Variants in PROSER2 observed in about 807,000 individuals in gnomAD.
PROSER2 encodes the protein proline and serine-rich protein 2.
A neutral mutation model predicts 14.6 loss-of-function variants in PROSER2; 18 were observed. The ratio of observed to expected loss-of-function variants is 1.23; its 90% CI spans 0.85 to 1.83. The LOEUF is 1.83. Among genes scored for constraint, PROSER2 ranks in the 40% most tolerant of loss-of-function variants. PROSER2 has a pLI of 0.00. For synonymous variants in PROSER2, 367 were observed against 286.4 expected, an observed-to-expected ratio of 1.28 and a Z score of -2.84; for missense variants, 823 against 629.8, an observed-to-expected ratio of 1.31 and a Z score of -3.28.
At chr10:11,831,141 C>T (rs1833684436) in intron 1 of PROSER2, among the ~76,000 whole-genome samples, 2 of 152,222 alleles carry the variant, frequency 1.3e-5, no homozygotes, top group South Asian at 2.1e-4. Context: ...TTATAAATAC[C>T]AGTGCTAAAT....
At chr10:11,846,952 A>G (rs867597116) in intron 1 of PROSER2, among the ~76,000 whole-genome samples, 4 of 151,424 alleles carry the variant, frequency 2.6e-5, no homozygotes, top group Non-Finnish European at 4.4e-5. Flanking sequence ...GGGCATCTCT[A>G]TGTTGCCCGG....
rs142241593 is a variant in PROSER2, at chr10:11,860,927, G to A, written c.139-5604G>A. ...TCGAGACCAGGCTGGCCAACATGGC[G>A]AAACCCCATCTCTACTAAAAATACA... is the stretch of plus-strand genomic sequence containing the variant. On this transcript the variant is annotated intron_variant, in intron 2 of 3. Coordinates refer to ENST00000277570, the MANE Select transcript of PROSER2 (RefSeq NM_153256.4). Among the ~76,000 whole-genome samples, 1,278 of 152,058 alleles carry A rather than the reference G, an allele frequency of 8.4e-3. 12 individuals are homozygous for A. Among genetic ancestry groups the A allele is most frequent in the African/African-American group, 0.029 (1,222 of 41,446 alleles).
chr10:11,841,295 T>C (rs1159152897), intron 1 of PROSER2, among the ~76,000 whole-genome samples: 1 of 152,168 alleles, frequency 6.6e-6, no homozygotes, highest in African/African-American at 2.4e-5. Context: ...CCTACAGTTA[T>C]GTCCCCACTT....
At chr10:11,844,002 A>G (rs1430866865) in intron 1 of PROSER2, among the ~76,000 whole-genome samples, 2 of 149,816 alleles carry the variant, frequency 1.3e-5, no homozygotes, top group African/African-American at 4.9e-5. Context: ...AGTGCATTTG[A>G]TTGATTGAGA....
In PROSER2 at chr10:11,866,046, C is replaced by T. The variant is rs573173778; in HGVS notation, c.139-485C>T. Among the ~76,000 whole-genome samples, 8 of 152,218 alleles carry T rather than the reference C, an allele frequency of 5.3e-5. No individual in the cohort carries two copies. The highest frequency in any genetic ancestry group is 2.1e-4 in the South Asian group (1 of 4,818). ...TTCTTCAGGTTCCCCAAAGATGATG[C>T]GTGCTCCACCATCTCTCTTCCTGTT... On this transcript the variant is annotated intron_variant, in intron 2 of 3. Coordinates refer to ENST00000277570, the MANE Select transcript of PROSER2 (RefSeq NM_153256.4). The surrounding 1 kb of genome is among the most constrained non-coding windows in gnomAD (Gnocchi z 6.0).
In PROSER2 at chr10:11,869,877, C is replaced by G; in HGVS notation, c.779C>G (p.Thr260Ser). 2 of 1,593,638 alleles carry G rather than the reference C, an allele frequency of 1.3e-6. No homozygotes were observed. The highest frequency in any genetic ancestry group is 8.5e-7 in the Non-Finnish European group (1 of 1,172,408). The change falls in exon 4 of 4, where the codon ACC (threonine) becomes AGC (serine). Residue 260 changes from threonine to serine, a missense_variant. Thr to Ser is a moderately conservative substitution (Grantham distance 58). Coordinates refer to ENST00000277570, the MANE Select transcript of PROSER2 (RefSeq NM_153256.4). The surrounding 1 kb of genome is among the most constrained non-coding windows in gnomAD (Gnocchi z 4.4). Reference protein sequence around the residue: ...APRFPSNIIVTNGAAREPRRT... With the variant: ...APRFPSNIIVSNGAAREPRRT... ...CGCTTCCCCAGCAACATCATCGTCA[C>G]CAACGGCGCGGCCCGGGAGCCCCGC... is the stretch of plus-strand genomic sequence containing the variant.
rs762038436 is a variant in PROSER2, at chr10:11,852,056, C to A, written c.-22C>A. On this transcript the variant is annotated 5_prime_UTR_variant, in exon 2 of 4. Coordinates refer to ENST00000277570, the MANE Select transcript of PROSER2 (RefSeq NM_153256.4). ...CCTGCCCTGCTTCCTGTGATCGAGC[C>A]GGCCCTGAGGACTCTGTGGAGATGC... 1.1e-5 allele frequency: 17 copies of A among 1,586,886 alleles called. No homozygotes were observed. The highest frequency in any genetic ancestry group is 1.4e-5 in the Non-Finnish European group (16 of 1,164,968).
At chr10:11,867,451 G>A (rs537873864) in intron 3 of PROSER2, among the ~76,000 whole-genome samples, 8 of 152,054 alleles carry the variant, frequency 5.3e-5, no homozygotes, top group South Asian at 2.1e-4. Flanking sequence ...TGGCCAACAC[G>A]GTGAAATCTC....
chr10:11,870,517 C>G lies in PROSER2; in HGVS notation c.*111C>G. 1 of 967,582 alleles carries G rather than the reference C, an allele frequency of 1.0e-6. No individual in the cohort carries two copies. Among genetic ancestry groups the G allele is most frequent in the African/African-American group, 1.7e-5 (1 of 57,354 alleles). 59.9% of individuals were successfully genotyped at this position (967,582 alleles called of 1,614,324 possible). On this transcript the variant is annotated 3_prime_UTR_variant, in exon 4 of 4. Coordinates refer to ENST00000277570, the MANE Select transcript of PROSER2 (RefSeq NM_153256.4). Reference sequence around the variant, plus strand: ...TAAAATGGAAGTGACAGCGGGAGCCCCTGCCCTCTGTGGCACATCGGAGTC... The same window carrying G: ...TAAAATGGAAGTGACAGCGGGAGCCGCTGCCCTCTGTGGCACATCGGAGTC...
rs780415085 is a variant in PROSER2 at position 11,826,879 on chromosome 10, CTT to C, written c.-82+3426_-82+3427del. Among the ~76,000 whole-genome samples, 5 of 105,172 alleles carry C rather than the reference CTT, an allele frequency of 4.8e-5. No individual in the cohort carries two copies. In the South Asian group the frequency reaches 9.6e-4, roughly 20 times the overall value. 69.0% of individuals were successfully genotyped at this position (105,172 alleles called of 152,430 possible). The stretch of plus-strand genomic sequence containing the variant: ...ACAGGCATGAGCCACTGCACCCGGC[CTT>C]TTTTTTTTTTTTTTTTCCTCTGACA... On this transcript the variant is annotated intron_variant, in intron 1 of 3. Transcript: ENST00000277570.
intron 2 of PROSER2, among the ~76,000 whole-genome samples, chr10:11,852,640 C>T (rs1275325474): frequency 1.3e-5 from 2 of 151,956 alleles, no homozygotes; most frequent in South Asian, 2.1e-4. Context: ...CTGCCTCAGC[C>T]TCCCAAGTAC....
intron 2 of PROSER2, among the ~76,000 whole-genome samples, chr10:11,858,268 C>T (rs537040505): frequency 6.6e-6 from 1 of 152,268 alleles, no homozygotes; most frequent in East Asian, 1.9e-4. Flanking sequence ...CTTCAGTACA[C>T]GTATTTTAAG....
At chr10:11,850,575 A>G (rs1298495469) in intron 1 of PROSER2, 2 of 152,152 alleles carry the variant, frequency 1.3e-5, no homozygotes, top group East Asian at 3.8e-4. Flanking sequence ...TTATTTTACT[A>G]TTTGGAATAG....
Position 11,870,114 on chromosome 10 carries a change from C to A in PROSER2, c.1016C>A (p.Pro339Gln), listed in dbSNP as rs752312597. ...LRAGGQAPRG[P>Q]ALANGFPSAH... ...GCAGGGGGTCAGGCTCCGCGGGGCC[C>A]GGCGCTGGCCAACGGCTTCCCAAGT... Residue 339 changes from proline to glutamine, a missense_variant, in exon 4 of 4, where the codon CCG becomes CAG. By Grantham distance (76) the Pro-to-Gln change is moderately conservative. Coordinates refer to ENST00000277570, the MANE Select transcript of PROSER2 (RefSeq NM_153256.4). The A allele has an allele frequency of 7.4e-7, 1 of 1,350,024 alleles. No homozygotes were observed. The highest frequency in any genetic ancestry group is 9.5e-7 in the Non-Finnish European group (1 of 1,055,238). The allele number at this position is 1,350,024 out of a possible 1,614,324, so 83.6% of individuals were successfully genotyped here.
At chr10:11,857,123 C>G (rs1834136330) in intron 2 of PROSER2, 1 of 152,090 alleles carries the variant, frequency 6.6e-6, no homozygotes, top group Admixed American at 6.6e-5. Context: ...CTTTTAGGAA[C>G]TCACCATATA....
chr10:11,840,346 C>A (rs896925508), intron 1 of PROSER2, among the ~76,000 whole-genome samples: 1 of 151,586 alleles, frequency 6.6e-6, no homozygotes, highest in African/African-American at 2.4e-5. Flanking sequence ...AACATTTCTG[C>A]ATAATTTTAA....
At chr10:11,827,402 G>A (rs1401607723) in intron 1 of PROSER2, among the ~76,000 whole-genome samples, 1 of 152,160 alleles carries the variant, frequency 6.6e-6, no homozygotes, top group African/African-American at 2.4e-5. Flanking sequence ...ACTAAGTACA[G>A]TTATTTGTAT....
intron 1 of PROSER2, among the ~76,000 whole-genome samples, chr10:11,841,514 A>G (rs532546340): frequency 2.4e-4 from 37 of 152,232 alleles, no homozygotes; most frequent in African/African-American, 8.7e-4. Flanking sequence ...ATTAAATTTC[A>G]GCCTTCTTGC....
chr10:11,843,358 G>C (rs1336920496), intron 1 of PROSER2, among the ~76,000 whole-genome samples: 1 of 149,126 alleles, frequency 6.7e-6, no homozygotes, highest in East Asian at 2.1e-4. Flanking sequence ...TTCAAGACCA[G>C]CCTGGCCAAC....
Sources: allele counts gnomAD v4.1 joint callset (sites outside exome capture counted in the v4.1 genomes callset), GRCh38; gene constraint gnomAD v4.1.1; non-coding constraint Gnocchi (gnomAD v3.1); transcripts MANE v1.5; gene names NCBI Gene and HGNC (gene_info 2026-07-23, HGNC 2026-07-21).